VSIG10L2: variants seen among roughly 807,000 people sequenced by gnomAD.
VSIG10L2 encodes V-set and immunoglobulin domain-containing protein 10-like 2.
In VSIG10L2, 56 loss-of-function variants were observed where a neutral mutation model predicts 67.1. That is an observed-to-expected ratio of 0.83 (90% CI 0.67 to 1.04). The LOEUF (loss-of-function observed/expected upper bound fraction) is 1.04, where lower values mean the gene tolerates loss of function less well. Ranked by LOEUF, VSIG10L2 falls within the 50% of genes least tolerant of loss-of-function variation. The pLI is 0.00. For synonymous variants in VSIG10L2, 360 were observed against 396.6 expected (o/e 0.91, Z 1.10); for missense variants, 843 against 932.8 (o/e 0.90, Z 1.25).
chr11:125,946,144 G>A lies in VSIG10L2; in HGVS notation c.82+7G>A. On this transcript the variant is annotated splice_region_variant and intron_variant, in intron 1 of 11. Transcript: ENST00000686984. The surrounding 1 kb of genome is among the most constrained non-coding windows in gnomAD (Gnocchi z 4.4). The stretch of plus-strand genomic sequence containing the variant: ...CTGCACCTGAGGGCCTCAGGTGAGT[G>A]ATACTCAGACCCCCCAGGGGGTTCA... 2.5e-6 allele frequency: 1 copy of A among 398,972 alleles called. No homozygotes were observed. 24.7% of individuals were successfully genotyped at this position (398,972 alleles called of 1,614,324 possible). A position where few individuals can be genotyped will look rare whatever the true frequency, so the allele number is the denominator to read the frequency against.
chr11:125,952,986 AAT>A (rs1457856489), intron 6 of VSIG10L2, among the ~76,000 whole-genome samples: 2 of 152,134 alleles, frequency 1.3e-5, no homozygotes, highest in East Asian at 3.9e-4. Context: ...CTGGGTCTTT[AAT>A]AAGTCAGTCC....
intron 8 of VSIG10L2, 43 bp downstream of exon 8, chr11:125,954,426 C>T (rs1945422416): frequency 3.2e-5 from 39 of 1,228,740 alleles, no homozygotes; most frequent in Middle Eastern, 3.1e-4. Context: ...TTCTCCAAAG[C>T]GCTGGCCCCT....
intron 6 of VSIG10L2, 79 bp downstream of exon 6, chr11:125,952,152 G>C (rs1425427009): frequency 6.9e-7 from 1 of 1,445,900 alleles, no homozygotes; most frequent in Non-Finnish European, 9.1e-7. Context: ...AGAGATCTTA[G>C]GGGGTGGCTG....
intron 2 of VSIG10L2, 72 bp from the exon 3 acceptor site, chr11:125,948,233 G>A (rs995094962): frequency 6.5e-6 from 8 of 1,232,014 alleles, no homozygotes; most frequent in Non-Finnish European, 8.1e-6. Context: ...CAGCAGGGGT[G>A]GGGGCGCTGG....
At chr11:125,948,850 A>G (rs1307704794) in intron 3 of VSIG10L2, among the ~76,000 whole-genome samples, 2 of 152,206 alleles carry the variant, frequency 1.3e-5, no homozygotes. Flanking sequence ...TCACCATTTC[A>G]CTGGCGGCCT....
chr11:125,947,789 G>T lies in VSIG10L2; in HGVS notation c.186G>T (p.Pro62=). The change falls in exon 2 of 12, where the codon CCG becomes CCT. Residue 62 remains proline, a synonymous_variant. Coordinates refer to ENST00000686984, the MANE Select transcript of VSIG10L2 (RefSeq NM_001365077.2). The part of the protein sequence containing the change: ...VELACGSGPA[P]LLVLWSFTPL... Reference sequence around the variant, plus strand: ...TGGCCTGTGGCTCAGGGCCTGCCCCGCTGCTGGTCCTCTGGAGCTTCACCC... The same window carrying T: ...TGGCCTGTGGCTCAGGGCCTGCCCCTCTGCTGGTCCTCTGGAGCTTCACCC... 1 of 1,232,580 alleles carries T rather than the reference G, an allele frequency of 8.1e-7. No homozygotes were observed. Among genetic ancestry groups the T allele is most frequent in the South Asian group, 4.1e-5 (1 of 24,332 alleles). The allele number at this position is 1,232,580 out of a possible 1,614,324, so 76.4% of individuals were successfully genotyped here. A position where few individuals can be genotyped will look rare whatever the true frequency, so the allele number is the denominator to read the frequency against.
At chr11:125,955,530 C>A in intron 10 of VSIG10L2, 24 bp downstream of exon 10, 1 of 1,238,896 alleles carries the variant, frequency 8.1e-7, no homozygotes, top group Non-Finnish European at 1.1e-6. Flanking sequence ...CCCAGTCATC[C>A]TGGGGGCCAG....
intron 6 of VSIG10L2, among the ~76,000 whole-genome samples, chr11:125,952,843 T>G (rs1945395701): frequency 6.6e-6 from 1 of 152,262 alleles, no homozygotes; most frequent in Non-Finnish European, 1.5e-5. Flanking sequence ...CTTTACCTCT[T>G]GGTCTCCAAA....
chr11:125,953,834 A>G (rs2134307438), intron 7 of VSIG10L2, 144 bp downstream of exon 7: 1 of 808,232 alleles, frequency 1.2e-6, no homozygotes, highest in Non-Finnish European at 1.7e-6. Context: ...GCAGGACTCA[A>G]GAGATAGATG....
In VSIG10L2 at chr11:125,954,255, C is replaced by T. The variant is rs1312416818; in HGVS notation, c.1955C>T (p.Ala652Val). 1.6e-6 allele frequency: 2 copies of T among 1,232,132 alleles called. No homozygotes were observed. Among genetic ancestry groups the T allele is most frequent in the Admixed American group, 8.4e-5 (2 of 23,708 alleles). 76.3% of individuals were successfully genotyped at this position (1,232,132 alleles called of 1,614,324 possible). Reference sequence around the variant, plus strand: ...GGAGCTGGGGCGTGGGAGACAGCAGCTAGTGACATCGAGCCAGAGAGCCGA... The same window carrying T: ...GGAGCTGGGGCGTGGGAGACAGCAGTTAGTGACATCGAGCCAGAGAGCCGA... ...GPGAGAWETA[A>V]SDIEPESRGR... The change falls in exon 8 of 12, where the codon GCT becomes GTT. Residue 652 changes from alanine to valine, a missense_variant. Transcript: ENST00000686984.
At chr11:125,955,587 T>G in intron 10 of VSIG10L2, 28 bp from the exon 11 acceptor site, 1 of 1,521,138 alleles carries the variant, frequency 6.6e-7, no homozygotes, top group Non-Finnish European at 8.8e-7. Flanking sequence ...GAGTTGCCAC[T>G]AACTTTACTC....
chr11:125,951,682 T>C, intron 5 of VSIG10L2, 131 bp from the exon 6 acceptor site: 1 of 878,086 alleles, frequency 1.1e-6, no homozygotes, highest in East Asian at 2.7e-5. Flanking sequence ...ATGATGAGTG[T>C]GTGAATGAGT....
chr11:125,953,994 C>T, intron 7 of VSIG10L2, 93 bp from the exon 8 acceptor site: 1 of 1,090,478 alleles, frequency 9.2e-7, no homozygotes, highest in Non-Finnish European at 1.2e-6. Flanking sequence ...GTCCACACTG[C>T]CAGGCTGTCT....
intron 6 of VSIG10L2, among the ~76,000 whole-genome samples, 186 bp from the exon 7 acceptor site, chr11:125,953,214 C>T (rs144971659): frequency 4.2e-4 from 64 of 152,262 alleles, no homozygotes; most frequent in East Asian, 3.5e-3. Flanking sequence ...CGAGCCCTGG[C>T]GCACACTGTG....
chr11:125,950,311 C>T (rs893039948), intron 4 of VSIG10L2, 22 bp downstream of exon 4: 30 of 1,232,176 alleles, frequency 2.4e-5, no homozygotes, highest in African/African-American at 2.2e-4. Flanking sequence ...GGTCGGGTGA[C>T]GCCCAGACCT....
rs1325516028 is a variant in VSIG10L2 at position 125,955,675 on chromosome 11, C to T, written c.2284+8C>T. On this transcript the variant is annotated splice_region_variant and intron_variant, in intron 11 of 11. Coordinates refer to ENST00000686984, the MANE Select transcript of VSIG10L2 (RefSeq NM_001365077.2). The stretch of plus-strand genomic sequence containing the variant: ...ATGCTGAGGCACCGGCAGGTAAGCA[C>T]CTTATCCAGAAAAAGACGACTCGTG... The T allele has an allele frequency of 1.3e-6, 2 of 1,533,538 alleles. No individual in the cohort carries two copies. Among genetic ancestry groups the T allele is most frequent in the East Asian group, 2.4e-5 (1 of 40,844 alleles). The allele number at this position is 1,533,538 out of a possible 1,614,324, so 95.0% of individuals were successfully genotyped here.
intron 1 of VSIG10L2, among the ~76,000 whole-genome samples, chr11:125,947,165 G>A (rs926247785): frequency 6.6e-6 from 1 of 152,136 alleles, no homozygotes; most frequent in Non-Finnish European, 1.5e-5. Context: ...GCAATCAACT[G>A]GAACAGGGTG....
rs561992568 is a variant in VSIG10L2, at chr11:125,948,537, C to T, written c.666C>T (p.Ser222=). ...GGTACATGTGCAGCGCCAGCAACTC[C>T]GTGAACAGGCTGAGCAGTGACGGGG... ...LGWYMCSASN[S]VNRLSSDGAF... is the part of the protein sequence containing the mutation. The change falls in exon 3 of 12, where the codon TCC becomes TCT. Residue 222 remains serine (S), a synonymous_variant. Transcript: ENST00000686984. 7.3e-6 allele frequency: 9 copies of T among 1,232,216 alleles called. No individual in the cohort carries two copies. Among genetic ancestry groups the T allele is most frequent in the African/African-American group, 1.5e-5 (1 of 64,548 alleles). 76.3% of individuals were successfully genotyped at this position (1,232,216 alleles called of 1,614,324 possible).
At position 125,948,531 on chromosome 11, in the gene VSIG10L2, C is replaced by T; in HGVS notation, c.660C>T (p.Ser220=). Residue 220 remains serine, a synonymous_variant, in exon 3 of 12, where the codon AGC becomes AGT. Coordinates refer to ENST00000686984, the MANE Select transcript of VSIG10L2 (RefSeq NM_001365077.2). ...THLGWYMCSA[S]NSVNRLSSDG... ...TAGGGTGGTACATGTGCAGCGCCAG[C>T]AACTCCGTGAACAGGCTGAGCAGTG... 7.3e-6 allele frequency: 9 copies of T among 1,232,224 alleles called. No individual in the cohort carries two copies. Among genetic ancestry groups the T allele is most frequent in the Non-Finnish European group, 9.1e-6 (9 of 988,006 alleles). The allele number at this position is 1,232,224 out of a possible 1,614,324, so 76.3% of individuals were successfully genotyped here.
Sources: gnomAD v4.1 joint callset for allele counts (sites outside exome capture counted in the v4.1 genomes callset) on GRCh38, gnomAD v4.1.1 for gene constraint, Gnocchi (gnomAD v3.1) non-coding constraint, MANE v1.5 for transcripts, NCBI Gene and HGNC (gene_info 2026-07-23, HGNC 2026-07-21) for gene names.